RAB5B: variants seen among roughly 807,000 people sequenced by gnomAD.
RAB5B encodes ras-related protein Rab-5B.
RAB5B carries 11 observed loss-of-function variants against 28.6 expected under a neutral mutation model. The ratio of observed to expected loss-of-function variants is 0.38; its 90% CI spans 0.24 to 0.64. The LOEUF (loss-of-function observed/expected upper bound fraction) is 0.64, where lower values mean the gene tolerates loss of function less well. Among genes scored for constraint, RAB5B ranks in the 30% least tolerant of loss-of-function variants. The pLI is 0.53. For synonymous variants in RAB5B, 93 were observed against 97.9 expected, an observed-to-expected ratio of 0.95 and a Z score of 0.29; for missense variants, 169 against 265.6, an observed-to-expected ratio of 0.64 and a Z score of 2.53.
rs1239204962 is a variant in RAB5B at position 55,986,948 on chromosome 12, T to C, written c.-13T>C. 2 of 1,307,688 alleles carry C rather than the reference T, an allele frequency of 1.5e-6. No individual in the cohort carries two copies. Among genetic ancestry groups the C allele is most frequent in the East Asian group, 4.9e-5 (1 of 20,464 alleles). 81.0% of individuals were successfully genotyped at this position (1,307,688 alleles called of 1,614,324 possible). ...CCCCTCCCTCCACCCTTTCCCATTCTGATAATCTGGCCATGACTAGCAGAA... is the reference window on the plus strand; with the variant it reads ...CCCCTCCCTCCACCCTTTCCCATTCCGATAATCTGGCCATGACTAGCAGAA... On this transcript the variant is annotated 5_prime_UTR_variant, in exon 2 of 6. Coordinates refer to ENST00000360299, the MANE Select transcript of RAB5B (RefSeq NM_002868.4).
chr12:55,986,222 A>G (rs1242128585), intron 1 of RAB5B, among the ~76,000 whole-genome samples: 1 of 152,184 alleles, frequency 6.6e-6, no homozygotes, highest in African/African-American at 2.4e-5. Context: ...CAAGGCGGGC[A>G]GATCACCTGA....
rs142048656 is a variant in RAB5B at position 55,986,834 on chromosome 12, G to A, written c.-92-35G>A. The A allele has an allele frequency of 9.5e-4, 697 of 731,492 alleles. 4 individuals are homozygous for A. In the African/African-American group the frequency reaches 0.01, roughly 11 times the overall value. 45.3% of individuals were successfully genotyped at this position (731,492 alleles called of 1,614,324 possible). A position where few individuals can be genotyped will look rare whatever the true frequency, so the allele number is the denominator to read the frequency against. ...AAAAGCGATTGCAGCTTCAATGGAC[G>A]TATGTTTAATTTTATTCACTTTTTT... On this transcript the variant is annotated intron_variant, in intron 1 of 5. Coordinates refer to ENST00000360299, the MANE Select transcript of RAB5B (RefSeq NM_002868.4).
intron 1 of RAB5B, among the ~76,000 whole-genome samples, chr12:55,983,133 C>T (rs1246564612): frequency 6.6e-6 from 1 of 151,898 alleles, no homozygotes; most frequent in Non-Finnish European, 1.5e-5. Flanking sequence ...GGCTGGAGTA[C>T]AGTGGCATAA....
intron 1 of RAB5B, among the ~76,000 whole-genome samples, chr12:55,975,722 A>G (rs773107): frequency 0.22 from 33,592 of 149,980 alleles, 4,806 homozygotes; most frequent in Non-Finnish European, 0.32. Context: ...ATTGGAGCCT[A>G]TTGGATTTTC....
intron 2 of RAB5B, among the ~76,000 whole-genome samples, chr12:55,988,764 A>G (rs1398620997): frequency 4.6e-5 from 7 of 151,706 alleles, no homozygotes; most frequent in Admixed American, 1.3e-4. Flanking sequence ...CGGCCTCCCA[A>G]AGTGCTGGGA....
At chr12:55,991,751 A>C in intron 5 of RAB5B, 1 of 391,054 alleles carries the variant, frequency 2.6e-6, no homozygotes, top group Non-Finnish European at 4.8e-6. Flanking sequence ...ATGTGGTGAA[A>C]CCCCGTCTCT....
intron 3 of RAB5B, 137 bp from the exon 4 acceptor site, chr12:55,990,545 T>C: frequency 8.6e-7 from 1 of 1,161,446 alleles, no homozygotes; most frequent in Non-Finnish European, 1.2e-6. Context: ...AGAAGACAGA[T>C]AATGAATTAT....
intron 2 of RAB5B, 136 bp from the exon 3 acceptor site, chr12:55,989,811 A>G (rs1890055263): frequency 8.3e-6 from 9 of 1,085,622 alleles, no homozygotes; most frequent in Admixed American, 1.8e-5. Flanking sequence ...GGAGAACTCA[A>G]AACCTTTTCC....
intron 5 of RAB5B, chr12:55,991,754 C>G (rs1030947057): frequency 1.5e-5 from 6 of 390,844 alleles, no homozygotes; most frequent in African/African-American, 1.2e-4. Flanking sequence ...TGGTGAAACC[C>G]CGTCTCTACT....
chr12:55,989,961 C>T lies in RAB5B; in HGVS notation c.178C>T (p.Gln60Ter). The T allele has an allele frequency of 6.2e-7, 1 of 1,613,310 alleles. No individual in the cohort carries two copies. The highest frequency in any genetic ancestry group is 8.5e-7 in the Non-Finnish European group (1 of 1,179,248). ...ESTIGAAFLT[Q>*]SVCLDDTTVK... ...CTCATCCATAGCGGCCTTCCTCACC[C>T]AGTCCGTTTGTCTAGATGACACAAC... The change falls in exon 3 of 6, where the codon CAG (glutamine) becomes TAG (stop). Residue 60 changes from glutamine (Q) to a stop codon, truncating the protein, a stop_gained. Coordinates refer to ENST00000360299, the MANE Select transcript of RAB5B (RefSeq NM_002868.4). LOFTEE classifies it high-confidence loss of function.
At chr12:55,989,341 C>A (rs190273403) in intron 2 of RAB5B, among the ~76,000 whole-genome samples, 1 of 152,308 alleles carries the variant, frequency 6.6e-6, no homozygotes, top group African/African-American at 2.4e-5. Context: ...GTGGCGCCAT[C>A]TTGGCTCACT....
In RAB5B at chr12:55,992,544, C is replaced by A; in HGVS notation, c.*332C>A. The A allele has an allele frequency of 2.0e-6, 1 of 492,982 alleles. No individual in the cohort carries two copies. The highest frequency in any genetic ancestry group is 4.0e-6 in the Non-Finnish European group (1 of 250,936). 30.5% of individuals were successfully genotyped at this position (492,982 alleles called of 1,614,324 possible). A position where few individuals can be genotyped will look rare whatever the true frequency, so the allele number is the denominator to read the frequency against. ...TCTCCTCCTCCCTAGTGTTCCTCCC[C>A]ATTTTTTCAGAAAACACTTCTGACT... On this transcript the variant is annotated 3_prime_UTR_variant, in exon 6 of 6. Transcript: ENST00000360299.
In RAB5B at chr12:55,995,385, G is replaced by A. The variant is rs1178267752; in HGVS notation, c.*3173G>A. 2.0e-5 allele frequency: 3 copies of A among 152,140 alleles called. No individual in the cohort carries two copies. Among genetic ancestry groups the A allele is most frequent in the African/African-American group, 4.8e-5 (2 of 41,412 alleles). The allele number at this position is 152,140 out of a possible 1,614,324, so 9.4% of individuals were successfully genotyped here. ...ATTACGGGCGTGAGCCACTGCGCCC[G>A]GCCGTATGTGCATATTTCTAGGATC... is the stretch of plus-strand genomic sequence containing the variant. On this transcript the variant is annotated 3_prime_UTR_variant, in exon 6 of 6. Coordinates refer to ENST00000360299, the MANE Select transcript of RAB5B (RefSeq NM_002868.4).
rs1340592620 is a variant in RAB5B at position 55,993,336 on chromosome 12, C to T, written c.*1124C>T. The T allele has an allele frequency of 2.6e-5, 4 of 152,600 alleles. No individual in the cohort carries two copies. Among genetic ancestry groups the T allele is most frequent in the Non-Finnish European group, 4.4e-5 (3 of 68,034 alleles). 9.5% of individuals were successfully genotyped at this position (152,600 alleles called of 1,614,324 possible). A position where few individuals can be genotyped will look rare whatever the true frequency, so the allele number is the denominator to read the frequency against. On this transcript the variant is annotated 3_prime_UTR_variant, in exon 6 of 6. Transcript: ENST00000360299. ...AACTACCAGTGGCAGCTACTCAAGT[C>T]CTATCTCCACTGTTAGCTTCCTCCA...
intron 2 of RAB5B, among the ~76,000 whole-genome samples, chr12:55,989,299 A>T (rs1283696190): frequency 6.7e-6 from 1 of 148,636 alleles, no homozygotes; most frequent in Admixed American, 6.7e-5. Context: ...TTTGAGACGG[A>T]GTTCCGCTCT....
At chr12:55,992,039 CAG>C in intron 5 of RAB5B, 56 bp from the exon 6 acceptor site, 3 of 1,360,850 alleles carry the variant, frequency 2.2e-6, no homozygotes, top group Middle Eastern at 1.8e-4. Context: ...CGGGTGGAGG[CAG>C]AGGGGTAGGG....
At chr12:55,990,464 AG>A (rs1320697587) in intron 3 of RAB5B, among the ~76,000 whole-genome samples, 1 of 152,102 alleles carries the variant, frequency 6.6e-6, no homozygotes, top group Non-Finnish European at 1.5e-5. Flanking sequence ...AGTTTGGGGC[AG>A]GGGGTAAGGG....
intron 1 of RAB5B, among the ~76,000 whole-genome samples, chr12:55,978,214 A>AT (rs1382674160): frequency 6.6e-6 from 1 of 152,114 alleles, no homozygotes; most frequent in African/African-American, 2.4e-5. Context: ...ATATTCCCAA[A>AT]TGGGGCCGTG....
At chr12:55,985,617 T>C (rs538050250) in intron 1 of RAB5B, 1 of 444,362 alleles carries the variant, frequency 2.3e-6, no homozygotes, top group African/African-American at 2.0e-5. Flanking sequence ...CTTAGCCCTC[T>C]TAGAAGATAG....
Sources: gnomAD v4.1 joint callset for allele counts (sites outside exome capture counted in the v4.1 genomes callset) on GRCh38, gnomAD v4.1.1 for gene constraint, MANE v1.5 for transcripts, NCBI Gene and HGNC (gene_info 2026-07-23, HGNC 2026-07-21) for gene names.